The following ADORA1 variants were observed in gnomAD, a reference collection of about 807,000 sequenced individuals.
ADORA1 encodes adenosine receptor A1.
A neutral mutation model predicts 19.9 loss-of-function variants in ADORA1; 6 were observed. That is an observed-to-expected ratio of 0.30 (90% confidence interval 0.17 to 0.59). ADORA1 has a LOEUF of 0.59. Ranked by LOEUF, ADORA1 falls within the 20% of genes least tolerant of loss-of-function variation. The pLI is 0.87. For synonymous variants in ADORA1, 194 were observed against 188.4 expected (o/e 1.03, Z -0.24); for missense variants, 302 against 439.2 (o/e 0.69, Z 2.79).
chr1:203,144,445 T>G (rs1023008485), intron 3 of ADORA1, among the ~76,000 whole-genome samples: 2 of 152,250 alleles, frequency 1.3e-5, no homozygotes, highest in Non-Finnish European at 2.9e-5. Context: ...ATTATCTTGC[T>G]GAAATCCTTG....
intron 3 of ADORA1, 58 bp downstream of exon 3, chr1:203,129,240 A>C: frequency 6.5e-7 from 1 of 1,546,888 alleles, no homozygotes. Context: ...CTTGAGGGCC[A>C]TCTAGAAAGG....
intron 3 of ADORA1, among the ~76,000 whole-genome samples, chr1:203,142,724 C>T (rs1008807746): frequency 7.2e-5 from 11 of 152,122 alleles, no homozygotes; most frequent in African/African-American, 2.7e-4. Flanking sequence ...GACTCTGCTT[C>T]CAGGGTGTGA....
chr1:203,161,405 G>A (rs1655362221), intron 3 of ADORA1, among the ~76,000 whole-genome samples: 1 of 152,144 alleles, frequency 6.6e-6, no homozygotes, highest in Non-Finnish European at 1.5e-5. Flanking sequence ...AGGTGCTCGA[G>A]ACCAGCCTGG....
intron 3 of ADORA1, among the ~76,000 whole-genome samples, chr1:203,139,492 C>T (rs955091113): frequency 6.6e-6 from 1 of 152,126 alleles, no homozygotes; most frequent in Non-Finnish European, 1.5e-5. Context: ...CTCAGGAAGT[C>T]TAGTATAATT....
At position 203,146,411 on chromosome 1, in the gene ADORA1, C is replaced by T. The variant is rs117135486; in HGVS notation, c.341+17229C>T. On this transcript the variant is annotated intron_variant, in intron 3 of 3. Transcript: ENST00000337894. Reference sequence around the variant, plus strand: ...TCGGAGGCCAAGGTGGGAGGATTGCCTGAACCCAGGAGTTTGAGACCACTT... The same window carrying T: ...TCGGAGGCCAAGGTGGGAGGATTGCTTGAACCCAGGAGTTTGAGACCACTT... Among the ~76,000 whole-genome samples the T allele has an allele frequency of 1.6e-3, 240 of 152,084 alleles. 7 individuals are homozygous for T. The East Asian group carries it at 0.023, about 15-fold the overall frequency.
intron 3 of ADORA1, among the ~76,000 whole-genome samples, chr1:203,154,851 G>C (rs1267701324): frequency 6.6e-6 from 1 of 152,108 alleles, no homozygotes; most frequent in African/African-American, 2.4e-5. Context: ...AGTGGTGGCT[G>C]GCTTCTTTGC....
rs559002851 is a variant in ADORA1 at position 203,147,932 on chromosome 1, G to A, written c.342-17329G>A. Among the ~76,000 whole-genome samples the A allele has an allele frequency of 1.1e-4, 17 of 152,186 alleles. 1 individual carries two copies. The highest frequency in any genetic ancestry group is 3.9e-4 in the African/African-American group (16 of 41,520). ...AAAGAAATAAAATTCCATGAAATAAGCAAACAAAAGGCATGGTAGCTCATG... is the reference window on the plus strand; with the variant it reads ...AAAGAAATAAAATTCCATGAAATAAACAAACAAAAGGCATGGTAGCTCATG... On this transcript the variant is annotated intron_variant, in intron 3 of 3. Coordinates refer to ENST00000337894, the MANE Select transcript of ADORA1 (RefSeq NM_000674.3).
intron 3 of ADORA1, among the ~76,000 whole-genome samples, chr1:203,164,587 T>C (rs1016183475): frequency 6.6e-6 from 1 of 152,014 alleles, no homozygotes; most frequent in Non-Finnish European, 1.5e-5. Flanking sequence ...GCACAGTGAT[T>C]GGAAGGGGAA....
At chr1:203,158,419 A>G (rs1156884643) in intron 3 of ADORA1, among the ~76,000 whole-genome samples, 1 of 152,200 alleles carries the variant, frequency 6.6e-6, no homozygotes, top group African/African-American at 2.4e-5. Context: ...TTTACTGTCC[A>G]AATTTTCTGC....
chr1:203,130,662 C>G (rs565613149), intron 3 of ADORA1, among the ~76,000 whole-genome samples: 2 of 152,214 alleles, frequency 1.3e-5, no homozygotes, highest in African/African-American at 4.8e-5. Flanking sequence ...GCCATTATAA[C>G]GAAGTGTTGC....
chr1:203,129,308 C>T (rs1387615680), intron 3 of ADORA1, 126 bp downstream of exon 3: 23 of 1,456,090 alleles, frequency 1.6e-5, no homozygotes, highest in South Asian at 5.7e-5. Flanking sequence ...CCATCGTGCT[C>T]CAGTCCTCAC....
Position 203,165,844 on chromosome 1 carries a change from T to G in ADORA1, c.925T>G (p.Cys309Gly). 6.3e-7 allele frequency: 1 copy of G among 1,597,978 alleles called. No individual in the cohort carries two copies. Among genetic ancestry groups the G allele is most frequent in the Non-Finnish European group, 8.5e-7 (1 of 1,171,072 alleles). ...FLKIWNDHFR[C>G]QPAPPIDEDL... Reference sequence around the variant, plus strand: ...TAAGATTTGGAATGACCATTTCCGCTGCCAGCCTGCACCTCCCATTGACGA... The same window carrying G: ...TAAGATTTGGAATGACCATTTCCGCGGCCAGCCTGCACCTCCCATTGACGA... The change falls in exon 4 of 4, where the codon TGC (cysteine) becomes GGC (glycine). Residue 309 changes from cysteine (C) to glycine (G), a missense_variant. Coordinates refer to ENST00000337894, the MANE Select transcript of ADORA1 (RefSeq NM_000674.3). This position sits in a 1 kb window ranked among gnomAD's most constrained non-coding sequence, Gnocchi z 5.9.
chr1:203,141,113 A>G (rs891374753), intron 3 of ADORA1, among the ~76,000 whole-genome samples: 3 of 133,182 alleles, frequency 2.3e-5, no homozygotes, highest in Non-Finnish European at 5.3e-5. Flanking sequence ...AGGCATCACC[A>G]AGTGTCAGAT....
chr1:203,128,518 C>A lies in ADORA1; in HGVS notation c.-58+86C>A. The A allele has an allele frequency of 9.3e-7, 1 of 1,071,056 alleles. No homozygotes were observed. The highest frequency in any genetic ancestry group is 1.2e-6 in the Non-Finnish European group (1 of 802,586). 66.3% of individuals were successfully genotyped at this position (1,071,056 alleles called of 1,614,324 possible). ...CTCTGTGCGTGTGTCTGTGTGTGCG[C>A]GCGCGCTGGGAGCTGCCTCACACCT... is the stretch of plus-strand genomic sequence containing the variant. On this transcript the variant is annotated intron_variant, in intron 2 of 3. Coordinates refer to ENST00000337894, the MANE Select transcript of ADORA1 (RefSeq NM_000674.3). The surrounding 1 kb of genome is among the most constrained non-coding windows in gnomAD (Gnocchi z 5.9).
intron 3 of ADORA1, among the ~76,000 whole-genome samples, chr1:203,148,721 G>C (rs2102752131): frequency 1.3e-5 from 2 of 152,290 alleles, no homozygotes; most frequent in South Asian, 4.1e-4. Context: ...CAGACTGTCA[G>C]TGTTTCTATC....
chr1:203,165,432 C>T lies in ADORA1; in HGVS notation c.513C>T (p.Phe171=), dbSNP rs764345398. Residue 171 remains phenylalanine (F), a synonymous_variant, in exon 4 of 4, where the codon TTC becomes TTT. Transcript: ENST00000337894. The surrounding 1 kb of genome is among the most constrained non-coding windows in gnomAD (Gnocchi z 5.9). The stretch of plus-strand genomic sequence containing the variant: ...GGGAGCCCGTGATCAAGTGCGAGTT[C>T]GAGAAGGTCATCAGCATGGAGTACA... The part of the protein sequence containing the change: ...SMGEPVIKCE[F]EKVISMEYMV... 9 of 1,613,112 alleles carry T rather than the reference C, an allele frequency of 5.6e-6. No individual in the cohort carries two copies. The highest frequency in any genetic ancestry group is 5.0e-5 in the Admixed American group (3 of 59,868).
At chr1:203,154,944 C>A (rs188550354) in intron 3 of ADORA1, among the ~76,000 whole-genome samples, 41 of 152,090 alleles carry the variant, frequency 2.7e-4, no homozygotes, top group Middle Eastern at 6.8e-3. Flanking sequence ...CTTCTTTTTT[C>A]TCTGTCAGAT....
intron 3 of ADORA1, among the ~76,000 whole-genome samples, chr1:203,145,339 G>A (rs1654826002): frequency 6.6e-6 from 1 of 152,368 alleles, no homozygotes; most frequent in African/African-American, 2.4e-5. Context: ...CAGGATGCCT[G>A]AACTCTGGGC....
intron 3 of ADORA1, among the ~76,000 whole-genome samples, chr1:203,161,450 A>C (rs116044792): frequency 6.6e-6 from 1 of 152,142 alleles, no homozygotes; most frequent in African/African-American, 2.4e-5. Flanking sequence ...AATAAACTAA[A>C]TAAATAAATA....
Sources: allele counts gnomAD v4.1 joint callset (sites outside exome capture counted in the v4.1 genomes callset), GRCh38; gene constraint gnomAD v4.1.1; non-coding constraint Gnocchi (gnomAD v3.1); transcripts MANE v1.5; gene names NCBI Gene and HGNC (gene_info 2026-07-23, HGNC 2026-07-21).